The following CNTNAP3 variants were observed in gnomAD, a reference collection of about 807,000 sequenced individuals.
CNTNAP3 encodes contactin-associated protein-like 3.
In CNTNAP3, 36 loss-of-function variants were observed where a neutral mutation model predicts 92.1. The ratio of observed to expected loss-of-function variants is 0.39; its 90% CI spans 0.30 to 0.52. The LOEUF (loss-of-function observed/expected upper bound fraction) is 0.52, where lower values mean the gene tolerates loss of function less well. Ranked by LOEUF, CNTNAP3 falls within the 20% of genes least tolerant of loss-of-function variation. The pLI, the probability that CNTNAP3 is intolerant of heterozygous loss-of-function variation, is 0.76. For missense variants in CNTNAP3, 534 were observed against 1,069.6 expected, an observed-to-expected ratio of 0.50 and a Z score of 6.98; for synonymous variants, 232 against 422.3, an observed-to-expected ratio of 0.55 and a Z score of 5.53.
chr9:39,148,043 C>T (rs1821744934), intron 10 of CNTNAP3, among the ~76,000 whole-genome samples: 1 of 152,140 alleles, frequency 6.6e-6, no homozygotes, highest in Non-Finnish European at 1.5e-5. Context: ...TCAGAGAGAG[C>T]TGAGCTCCCT....
intron 13 of CNTNAP3, among the ~76,000 whole-genome samples, chr9:39,126,148 C>T (rs1308144339): frequency 6.6e-6 from 1 of 152,056 alleles, no homozygotes; most frequent in Non-Finnish European, 1.5e-5. Flanking sequence ...TCACAAAAGG[C>T]ATGTTCTTGA....
At chr9:39,074,249 G>A (rs941814847) in intron 23 of CNTNAP3, among the ~76,000 whole-genome samples, 2 of 151,510 alleles carry the variant, frequency 1.3e-5, no homozygotes, top group Non-Finnish European at 1.5e-5. Flanking sequence ...GGCTGGTCTC[G>A]AACTCCTGGG....
intron 9 of CNTNAP3, among the ~76,000 whole-genome samples, chr9:39,150,663 T>C (rs1232705812): frequency 2.8e-5 from 1 of 35,554 alleles, no homozygotes. Context: ...AACACACTGT[T>C]AGGGTACATA....
At chr9:39,093,370 G>T (rs1826254492) in intron 18 of CNTNAP3, among the ~76,000 whole-genome samples, 1 of 143,704 alleles carries the variant, frequency 7.0e-6, no homozygotes. Context: ...TATACTTTGG[G>T]GTAAAATATA....
intron 13 of CNTNAP3, among the ~76,000 whole-genome samples, chr9:39,121,692 C>CT (rs1298306610): frequency 6.6e-6 from 1 of 152,030 alleles, no homozygotes. Context: ...GGGGATAGGC[C>CT]TTAGAGGGTC....
intron 18 of CNTNAP3, among the ~76,000 whole-genome samples, chr9:39,092,351 G>T (rs1826225126): frequency 7.2e-6 from 1 of 139,504 alleles, no homozygotes; most frequent in African/African-American, 2.6e-5. Flanking sequence ...TTTTATTTGG[G>T]AACCATTTTT....
intron 13 of CNTNAP3, among the ~76,000 whole-genome samples, chr9:39,119,121 C>G (rs1587717159): frequency 6.6e-6 from 1 of 152,210 alleles, no homozygotes; most frequent in East Asian, 1.9e-4. Context: ...TTGCAGTCAT[C>G]ACAGATGAGG....
intron 13 of CNTNAP3, among the ~76,000 whole-genome samples, chr9:39,124,436 T>A (rs1230123693): frequency 6.6e-6 from 1 of 152,026 alleles, no homozygotes; most frequent in African/African-American, 2.4e-5. Flanking sequence ...CAAGTATCAA[T>A]AATCACTTTA....
intron 14 of CNTNAP3, among the ~76,000 whole-genome samples, chr9:39,114,395 A>G (rs940770865): frequency 3.3e-5 from 5 of 152,074 alleles, no homozygotes. Context: ...ACTTCTTTAT[A>G]TATTTTAAAC....
chr9:39,149,172 T>A (rs563759901), intron 10 of CNTNAP3, among the ~76,000 whole-genome samples: 99 of 152,276 alleles, frequency 6.5e-4, no homozygotes, highest in African/African-American at 2.2e-3. Flanking sequence ...ACCTGGCAAA[T>A]TCCTCTGCCT....
At chr9:39,138,020 G>T (rs900949775) in intron 12 of CNTNAP3, among the ~76,000 whole-genome samples, 12 of 148,378 alleles carry the variant, frequency 8.1e-5, no homozygotes, top group African/African-American at 2.9e-4. Flanking sequence ...TCACCATGCT[G>T]TTTTTTGTTG....
At chr9:39,113,046 T>C (rs1820746217) in intron 14 of CNTNAP3, among the ~76,000 whole-genome samples, 1 of 152,100 alleles carries the variant, frequency 6.6e-6, no homozygotes, top group African/African-American at 2.4e-5. Flanking sequence ...GCGTTACTGA[T>C]ATTTTGGGCT....
intron 14 of CNTNAP3, 104 bp downstream of exon 14, chr9:39,117,999 A>G: frequency 6.3e-7 from 1 of 1,590,090 alleles, no homozygotes; most frequent in Admixed American, 1.7e-5. Context: ...GCTTGAACAT[A>G]CTTTAGTTAC....
intron 14 of CNTNAP3, among the ~76,000 whole-genome samples, chr9:39,112,117 T>C (rs1826761522): frequency 6.6e-6 from 1 of 151,704 alleles, no homozygotes. Flanking sequence ...CATAATCTCT[T>C]GCAGCAGTAT....
At chr9:39,217,395 T>TATAG (rs1554653677) in intron 3 of CNTNAP3, among the ~76,000 whole-genome samples, 2 of 23,980 alleles carry the variant, frequency 8.3e-5, no homozygotes, top group African/African-American at 1.3e-4. Context: ...TATATATATA[T>TATAG]ATATATTCAT....
intron 18 of CNTNAP3, among the ~76,000 whole-genome samples, chr9:39,089,752 T>C (rs1276734076): frequency 6.6e-6 from 1 of 152,176 alleles, no homozygotes; most frequent in Non-Finnish European, 1.5e-5. Flanking sequence ...AAATTACAGC[T>C]ATACCTGTCT....
At chr9:39,077,106 T>C (rs1825797792) in intron 23 of CNTNAP3, among the ~76,000 whole-genome samples, 1 of 152,232 alleles carries the variant, frequency 6.6e-6, no homozygotes, top group African/African-American at 2.4e-5. Flanking sequence ...TCACTTTTCT[T>C]CAATTAAAAA....
At chr9:39,106,693 T>C (rs1394547535) in intron 15 of CNTNAP3, 1 of 152,180 alleles carries the variant, frequency 6.6e-6, no homozygotes, top group Non-Finnish European at 1.5e-5. Flanking sequence ...AATGAAGGGC[T>C]GAGGTAAATT....
At chr9:39,202,326 C>G (rs1313518532) in intron 3 of CNTNAP3, among the ~76,000 whole-genome samples, 2 of 42,998 alleles carry the variant, frequency 4.7e-5, no homozygotes, top group African/African-American at 8.1e-5. Context: ...ACCCCATTGT[C>G]TCAGCCCAAA....
Sources: allele counts gnomAD v4.1 joint callset (sites outside exome capture counted in the v4.1 genomes callset), GRCh38; gene constraint gnomAD v4.1.1; transcripts MANE v1.5; gene names NCBI Gene and HGNC (gene_info 2026-07-23, HGNC 2026-07-21).